HNRNPF: variants seen among roughly 807,000 people sequenced by gnomAD.
HNRNPF encodes HnRNP F protein.
A neutral mutation model predicts 26.0 loss-of-function variants in HNRNPF; 2 were observed. The observed-to-expected ratio is 0.08, with a 90% CI of 0.03 to 0.24. The LOEUF is 0.24. Among genes scored for constraint, HNRNPF ranks in the 10% least tolerant of loss-of-function variants. The pLI, the probability that HNRNPF is intolerant of heterozygous loss-of-function variation, is 1.00. For missense variants in HNRNPF, 299 were observed against 539.2 expected, an observed-to-expected ratio of 0.55 and a Z score of 4.41; for synonymous variants, 234 against 211.5, an observed-to-expected ratio of 1.11 and a Z score of -0.92.
chr10:43,403,984 C>T (rs1411408111), intron 1 of HNRNPF, among the ~76,000 whole-genome samples: 3 of 149,680 alleles, frequency 2.0e-5, no homozygotes, highest in African/African-American at 7.4e-5. Context: ...AAAGTGAAAC[C>T]CTTTCTCGAA....
intron 1 of HNRNPF, among the ~76,000 whole-genome samples, chr10:43,399,240 G>A (rs1488044805): frequency 2.0e-5 from 3 of 151,978 alleles, no homozygotes; most frequent in Non-Finnish European, 4.4e-5. Context: ...ATGCCACCAA[G>A]CCGGGCTAAT....
chr10:43,405,045 C>T (rs1350089422), intron 1 of HNRNPF, among the ~76,000 whole-genome samples: 1 of 152,106 alleles, frequency 6.6e-6, no homozygotes, highest in Admixed American at 6.6e-5. Context: ...CATCCATTCA[C>T]CACGCTTGAA....
chr10:43,388,957 G>A (rs1449199827), intron 3 of HNRNPF, among the ~76,000 whole-genome samples: 1 of 149,462 alleles, frequency 6.7e-6, no homozygotes, highest in African/African-American at 2.5e-5. Flanking sequence ...GAGCATAGGA[G>A]TATATGGAAT....
chr10:43,406,516 G>C (rs1838922843), intron 1 of HNRNPF, among the ~76,000 whole-genome samples: 1 of 152,056 alleles, frequency 6.6e-6, no homozygotes, highest in Non-Finnish European at 1.5e-5. Flanking sequence ...GCAACATAAG[G>C]AGACCCCATC....
chr10:43,403,658 G>T (rs1440580175), intron 1 of HNRNPF, among the ~76,000 whole-genome samples: 1 of 152,142 alleles, frequency 6.6e-6, no homozygotes, highest in Admixed American at 6.5e-5. Context: ...AAGTATAGAG[G>T]TACTTTTTTA....
intron 1 of HNRNPF, among the ~76,000 whole-genome samples, chr10:43,405,800 C>T (rs887301176): frequency 1.3e-5 from 2 of 152,148 alleles, no homozygotes; most frequent in East Asian, 1.9e-4. Flanking sequence ...TAATAAAGAC[C>T]TTATTGGTCT....
At chr10:43,398,344 G>GTTTT (rs71533061) in intron 1 of HNRNPF, among the ~76,000 whole-genome samples, 67 of 125,484 alleles carry the variant, frequency 5.3e-4, no homozygotes, top group Middle Eastern at 5.4e-3. Context: ...TGTTGTTGTT[G>GTTTT]TTTTTTTTTT....
intron 1 of HNRNPF, among the ~76,000 whole-genome samples, chr10:43,402,781 G>A (rs1838792997): frequency 6.6e-6 from 1 of 152,192 alleles, no homozygotes; most frequent in Non-Finnish European, 1.5e-5. Flanking sequence ...ATAACAGTAA[G>A]TAAGAGTATC....
At chr10:43,388,171 G>T (rs560165706) in intron 3 of HNRNPF, among the ~76,000 whole-genome samples, 1 of 152,254 alleles carries the variant, frequency 6.6e-6, no homozygotes, top group East Asian at 1.9e-4. Flanking sequence ...ACAGAGAAAT[G>T]TAAGTTTCAG....
chr10:43,392,532 T>C (rs1001709180), intron 3 of HNRNPF, among the ~76,000 whole-genome samples: 11 of 152,112 alleles, frequency 7.2e-5, no homozygotes, highest in Admixed American at 7.2e-4. Context: ...GAGACTCGTC[T>C]CAAAAACAAA....
At chr10:43,391,374 C>T (rs1199152182) in intron 3 of HNRNPF, among the ~76,000 whole-genome samples, 1 of 151,932 alleles carries the variant, frequency 6.6e-6, no homozygotes, top group South Asian at 2.1e-4. Flanking sequence ...AAGAGAATCA[C>T]CTGAACCCAG....
intron 3 of HNRNPF, among the ~76,000 whole-genome samples, chr10:43,391,670 A>AGG (rs1428116048): frequency 7.7e-6 from 1 of 129,494 alleles, no homozygotes; most frequent in Non-Finnish European, 1.5e-5. Flanking sequence ...GTCAGAGTCC[A>AGG]GGAGTTTGTA....
At chr10:43,403,910 T>G (rs1433803404) in intron 1 of HNRNPF, among the ~76,000 whole-genome samples, 1 of 151,978 alleles carries the variant, frequency 6.6e-6, no homozygotes, top group Non-Finnish European at 1.5e-5. Context: ...CAGGATTGCC[T>G]GAGCCCAGGA....
intron 3 of HNRNPF, among the ~76,000 whole-genome samples, chr10:43,394,035 T>G (rs1663671242): frequency 6.6e-6 from 1 of 152,202 alleles, no homozygotes; most frequent in Non-Finnish European, 1.5e-5. Flanking sequence ...CACTCTTGTG[T>G]TGTTAAAGGG....
chr10:43,399,353 G>A (rs1268960036), intron 1 of HNRNPF, among the ~76,000 whole-genome samples: 1 of 152,108 alleles, frequency 6.6e-6, no homozygotes, highest in Non-Finnish European at 1.5e-5. Context: ...CAAAGTGCTA[G>A]GATTATAGGT....
At chr10:43,389,890 A>T (rs1193972188) in intron 3 of HNRNPF, among the ~76,000 whole-genome samples, 1 of 152,194 alleles carries the variant, frequency 6.6e-6, no homozygotes, top group Admixed American at 6.5e-5. Flanking sequence ...ACCTCAAATT[A>T]TTGACTATGT....
intron 3 of HNRNPF, among the ~76,000 whole-genome samples, chr10:43,392,429 C>G (rs1838288980): frequency 6.6e-6 from 1 of 152,320 alleles, no homozygotes; most frequent in Admixed American, 6.5e-5. Flanking sequence ...ATCCCAGCTA[C>G]TCCAGACGCT....
At chr10:43,393,269 C>G (rs189736360) in intron 3 of HNRNPF, among the ~76,000 whole-genome samples, 36 of 152,252 alleles carry the variant, frequency 2.4e-4, no homozygotes, top group African/African-American at 8.7e-4. Context: ...GTACAAACAG[C>G]CAATTCCAGA....
Position 43,387,032 on chromosome 10 carries a change from T to C in HNRNPF, c.853A>G (p.Ser285Gly). ...ATGTGGACACAGTGGCCTGTGGTGC[T>C]CTGCACTGTGAACTCACTGTCGCCG... is the stretch of plus-strand genomic sequence containing the variant. Reference protein sequence around the residue: ...RYGDSEFTVQSTTGHCVHMRG... With the variant: ...RYGDSEFTVQGTTGHCVHMRG... The change falls in exon 4 of 4, where the codon AGC becomes GGC. Residue 285 changes from serine (S) to glycine (G), a missense_variant. This residue lies in a region of HNRNPF where 74 missense variants were observed against 77.7 expected (regional missense o/e 0.95). Coordinates refer to ENST00000682386, the MANE Select transcript of HNRNPF (RefSeq NM_001098204.2). This position sits in a 1 kb window ranked among gnomAD's most constrained non-coding sequence, Gnocchi z 6.0. The C allele has an allele frequency of 6.2e-6, 10 of 1,613,622 alleles. No individual in the cohort carries two copies. Among genetic ancestry groups the C allele is most frequent in the Non-Finnish European group, 8.5e-6 (10 of 1,180,050 alleles).
Sources: gnomAD v4.1 joint callset for allele counts (sites outside exome capture counted in the v4.1 genomes callset) on GRCh38, gnomAD v4.1.1 for gene constraint, gnomAD v4.1.1 regional missense constraint, Gnocchi (gnomAD v3.1) non-coding constraint, MANE v1.5 for transcripts, NCBI Gene and HGNC (gene_info 2026-07-23, HGNC 2026-07-21) for gene names.